Variants in USH2A observed in about 807,000 individuals in gnomAD.
USH2A encodes usherin, also known as Usher syndrome 2A (autosomal recessive, mild).
In USH2A, 443 loss-of-function variants were observed where a neutral mutation model predicts 538.9. The observed-to-expected ratio is 0.82, with a 90% confidence interval of 0.76 to 0.89. The LOEUF is 0.89. Ranked by LOEUF, USH2A falls within the 40% of genes least tolerant of loss-of-function variation. The pLI is 0.00. For missense variants in USH2A, 6,633 were observed against 6,324.8 expected, an observed-to-expected ratio of 1.05 and a Z score of -1.65; for synonymous variants, 2,413 against 2,273.5, an observed-to-expected ratio of 1.06 and a Z score of -1.75.
At chr1:216,345,492 G>A (rs144871645) in intron 4 of USH2A, among the ~76,000 whole-genome samples, 1 of 152,094 alleles carries the variant, frequency 6.6e-6, no homozygotes, top group South Asian at 2.1e-4. Flanking sequence ...CAGCAAAAGG[G>A]TAAGAATTTC....
At chr1:216,136,127 G>A (rs2102606576) in intron 21 of USH2A, among the ~76,000 whole-genome samples, 1 of 152,144 alleles carries the variant, frequency 6.6e-6, no homozygotes, top group Middle Eastern at 3.4e-3. Flanking sequence ...GTGGATTGTG[G>A]TTATTACTGT....
chr1:215,803,448 C>T (rs1056266886), intron 49 of USH2A, among the ~76,000 whole-genome samples: 2 of 152,114 alleles, frequency 1.3e-5, no homozygotes, highest in African/African-American at 4.8e-5. Flanking sequence ...CAGGATACAA[C>T]ATCAATGTGC....
At chr1:215,656,372 C>T (rs1356549841) in intron 64 of USH2A, among the ~76,000 whole-genome samples, 1 of 152,160 alleles carries the variant, frequency 6.6e-6, no homozygotes, top group Admixed American at 6.5e-5. Flanking sequence ...CAAGGCAATG[C>T]TACAAGTCTT....
intron 30 of USH2A, among the ~76,000 whole-genome samples, chr1:216,066,974 T>C (rs1311236762): frequency 6.6e-6 from 1 of 152,212 alleles, no homozygotes; most frequent in Non-Finnish European, 1.5e-5. Flanking sequence ...GGATTTATTA[T>C]ATCATCATTG....
intron 38 of USH2A, among the ~76,000 whole-genome samples, chr1:215,913,315 C>T (rs1007081579): frequency 6.6e-6 from 1 of 152,018 alleles, no homozygotes; most frequent in African/African-American, 2.4e-5. Flanking sequence ...ACACAAAGTG[C>T]TAGGAGGGAG....
At chr1:215,860,759 A>G (rs1306091944) in intron 44 of USH2A, among the ~76,000 whole-genome samples, 1 of 152,206 alleles carries the variant, frequency 6.6e-6, no homozygotes, top group Non-Finnish European at 1.5e-5. Flanking sequence ...AAATCATTTC[A>G]TTTATTAGAT....
At chr1:215,688,393 C>G (rs919554980) in intron 61 of USH2A, among the ~76,000 whole-genome samples, 6 of 152,088 alleles carry the variant, frequency 3.9e-5, no homozygotes, top group Non-Finnish European at 7.4e-5. Context: ...CAGTGGAAAA[C>G]TATCGAAGGC....
At chr1:216,339,181 A>G (rs1215063091) in intron 4 of USH2A, among the ~76,000 whole-genome samples, 1 of 151,668 alleles carries the variant, frequency 6.6e-6, no homozygotes, top group Non-Finnish European at 1.5e-5. Context: ...GAGAAACTAA[A>G]ATGAATGAAC....
At chr1:216,003,307 G>A (rs774693409) in intron 32 of USH2A, among the ~76,000 whole-genome samples, 5 of 152,116 alleles carry the variant, frequency 3.3e-5, no homozygotes, top group Admixed American at 6.6e-5. Context: ...AAGTTTATGG[G>A]TAAGAAAGGT....
chr1:215,983,335 C>A (rs1667795904), intron 35 of USH2A, among the ~76,000 whole-genome samples: 1 of 152,130 alleles, frequency 6.6e-6, no homozygotes, highest in African/African-American at 2.4e-5. Context: ...GCCATTATTT[C>A]ACTAATGATA....
At chr1:216,238,556 C>A (rs1477404072) in intron 13 of USH2A, among the ~76,000 whole-genome samples, 3 of 152,104 alleles carry the variant, frequency 2.0e-5, no homozygotes. Context: ...GCATTTTTAA[C>A]CTCTGTTCAA....
At chr1:215,922,502 T>TCCATA (rs1558163066) in intron 38 of USH2A, among the ~76,000 whole-genome samples, 3 of 152,134 alleles carry the variant, frequency 2.0e-5, no homozygotes, top group Non-Finnish European at 4.4e-5. Flanking sequence ...CCCTGAGTAT[T>TCCATA]TGTCTCAAAT....
intron 33 of USH2A, among the ~76,000 whole-genome samples, chr1:215,999,769 A>C (rs1668222156): frequency 6.6e-6 from 1 of 152,196 alleles, no homozygotes; most frequent in Non-Finnish European, 1.5e-5. Context: ...GACATGGAAC[A>C]ATGAGATCTG....
intron 3 of USH2A, among the ~76,000 whole-genome samples, chr1:216,381,881 G>C (rs934710866): frequency 3.3e-5 from 5 of 152,214 alleles, no homozygotes; most frequent in Admixed American, 3.3e-4. Context: ...ACAAAAAGTC[G>C]GCCCTGTGCA....
intron 50 of USH2A, among the ~76,000 whole-genome samples, chr1:215,795,787 C>T (rs891558460): frequency 3.9e-5 from 6 of 152,074 alleles, no homozygotes; most frequent in South Asian, 2.1e-4. Flanking sequence ...TTCTAGTAGA[C>T]GTTACTATGA....
At chr1:215,852,999 C>T (rs1664059856) in intron 44 of USH2A, among the ~76,000 whole-genome samples, 1 of 152,204 alleles carries the variant, frequency 6.6e-6, no homozygotes, top group Admixed American at 6.5e-5. Context: ...CAGTGGCCCT[C>T]TTCTTACAGT....
At chr1:216,296,172 T>A (rs1161576593) in intron 9 of USH2A, among the ~76,000 whole-genome samples, 1 of 152,060 alleles carries the variant, frequency 6.6e-6, no homozygotes, top group Admixed American at 6.5e-5. Flanking sequence ...AATGTAAACA[T>A]TAGGTCACAC....
Position 215,675,325 on chromosome 1 carries a change from C to A in USH2A, c.12586G>T (p.Glu4196Ter), listed in dbSNP as rs770065010. The A allele has an allele frequency of 6.2e-7, 1 of 1,614,126 alleles. No homozygotes were observed. The highest frequency in any genetic ancestry group is 1.1e-5 in the South Asian group (1 of 91,084). The change falls in exon 63 of 72, where the codon GAG becomes TAG. Residue 4196 changes from glutamate (E) to a stop codon, truncating the protein, a stop_gained. Transcript: ENST00000307340. LOFTEE classifies it high-confidence loss of function. ...GTCTGATTTCCCCAAGCTTTTCCCTCGAAGCATCTGCGAATCACTTCATAG... is the reference window on the plus strand; with the variant it reads ...GTCTGATTTCCCCAAGCTTTTCCCTAGAAGCATCTGCGAATCACTTCATAG... ...IRYEVIRRCF[E>*]GKAWGNQTIQ...
intron 61 of USH2A, among the ~76,000 whole-genome samples, chr1:215,692,989 T>G (rs190611463): frequency 6.6e-6 from 1 of 151,628 alleles, no homozygotes; most frequent in Non-Finnish European, 1.5e-5. Context: ...TGGCAACCTC[T>G]GTCTCCAAGA....
Sources: allele counts gnomAD v4.1 joint callset (sites outside exome capture counted in the v4.1 genomes callset), GRCh38; gene constraint gnomAD v4.1.1; transcripts MANE v1.5; gene names NCBI Gene and HGNC (gene_info 2026-07-23, HGNC 2026-07-21).